The following CRB1 variants were observed in gnomAD, a reference collection of about 807,000 sequenced individuals.
CRB1 encodes the protein protein crumbs homolog 1.
Under a neutral mutation model 120.0 loss-of-function variants are expected in CRB1, and 83 were observed. The ratio of observed to expected loss-of-function variants is 0.69; its 90% CI spans 0.58 to 0.83. The LOEUF (loss-of-function observed/expected upper bound fraction) is 0.83, where lower values mean the gene tolerates loss of function less well. CRB1 is among the 40% of genes least tolerant of loss of function. The pLI is 0.00. For synonymous variants in CRB1, 625 were observed against 612.5 expected (o/e 1.02, Z -0.30); for missense variants, 1,699 against 1,687.6 (o/e 1.01, Z -0.12).
the CRB1 span, among the ~76,000 whole-genome samples, chr1:197,221,709 T>A: frequency 6.6e-6 from 1 of 152,068 alleles, no homozygotes; most frequent in Admixed American, 6.5e-5. Context: ...TAAAAAAAAA[T>A]AATAAAGAGG....
rs1553251336 is a variant in CRB1, at chr1:197,344,493, G to A, written c.848+17G>A. The A allele has an allele frequency of 6.2e-6, 10 of 1,611,062 alleles. No individual in the cohort carries two copies. The African/African-American group carries it at 6.7e-5, about 11-fold the overall frequency. ...AGAAAACAGGTACATTTTCTCTGGCGTTGGGTGATTGGCTTAGAACTCCCT... is the reference window on the plus strand; with the variant it reads ...AGAAAACAGGTACATTTTCTCTGGCATTGGGTGATTGGCTTAGAACTCCCT... On this transcript the variant is annotated intron_variant, in intron 3 of 11. Coordinates refer to ENST00000367400, the MANE Select transcript of CRB1 (RefSeq NM_201253.3).
intron 9 of CRB1, among the ~76,000 whole-genome samples, chr1:197,436,525 AATT>A (rs1213814915): frequency 1.3e-5 from 2 of 152,158 alleles, no homozygotes. Flanking sequence ...AACATGTTTT[AATT>A]ATTCTGTCAT....
chr1:197,301,541 G>A (rs1390614206), intron 1 of CRB1, among the ~76,000 whole-genome samples: 1 of 152,098 alleles, frequency 6.6e-6, no homozygotes, highest in East Asian at 1.9e-4. Flanking sequence ...GCGATTCTGG[G>A]AAAAATCCAT....
At chr1:197,312,492 G>A (rs957484090) in intron 1 of CRB1, among the ~76,000 whole-genome samples, 3 of 152,226 alleles carry the variant, frequency 2.0e-5, no homozygotes, top group African/African-American at 7.2e-5. Flanking sequence ...TGAGGCAGGA[G>A]AACTGCCTGA....
chr1:197,315,400 A>G (rs547238278), intron 1 of CRB1, among the ~76,000 whole-genome samples: 15 of 152,198 alleles, frequency 9.9e-5, no homozygotes, highest in African/African-American at 3.1e-4. Context: ...GGTAAATGCT[A>G]TGTCAACACA....
intron 2 of CRB1, among the ~76,000 whole-genome samples, chr1:197,342,425 T>C (rs1659520570): frequency 1.3e-5 from 2 of 152,218 alleles, no homozygotes; most frequent in African/African-American, 2.4e-5. Context: ...GACCTTCAAC[T>C]TTCCAGTAGT....
intron 5 of CRB1, among the ~76,000 whole-genome samples, chr1:197,413,341 G>A (rs188286521): frequency 6.6e-6 from 1 of 152,236 alleles, no homozygotes; most frequent in Non-Finnish European, 1.5e-5. Flanking sequence ...ATTTCTCTGA[G>A]AGCACCACAC....
chr1:197,319,178 G>T (rs1764623), intron 1 of CRB1, among the ~76,000 whole-genome samples: 99,727 of 144,648 alleles, frequency 0.69, 34,643 homozygotes, highest in East Asian at 0.94. Flanking sequence ...AAAAATAGAA[G>T]TTTGGGGGGC....
chr1:197,269,894 T>TA (rs1571738597), intron 1 of CRB1, among the ~76,000 whole-genome samples: 1 of 152,214 alleles, frequency 6.6e-6, no homozygotes, highest in Non-Finnish European at 1.5e-5. Flanking sequence ...AGATTCTAAA[T>TA]ACTTTGTAAT....
the CRB1 span, among the ~76,000 whole-genome samples, chr1:197,214,354 A>T: frequency 6.6e-6 from 1 of 152,102 alleles, no homozygotes; most frequent in African/African-American, 2.4e-5. Context: ...TGAGTTCAGC[A>T]TCTGAAACCA....
At chr1:197,251,183 A>C in the CRB1 span, among the ~76,000 whole-genome samples, 1 of 152,086 alleles carries the variant, frequency 6.6e-6, no homozygotes, top group Admixed American at 6.6e-5. Context: ...AAAATTGTTC[A>C]ATTTGCTTAA....
At chr1:197,300,162 C>G (rs549357817) in intron 1 of CRB1, among the ~76,000 whole-genome samples, 88 of 151,868 alleles carry the variant, frequency 5.8e-4, no homozygotes, top group Non-Finnish European at 1.1e-3. Flanking sequence ...GAAATTAGGC[C>G]AATTAATAAC....
chr1:197,345,148 C>T (rs893383363), intron 3 of CRB1, among the ~76,000 whole-genome samples: 9 of 152,128 alleles, frequency 5.9e-5, no homozygotes, highest in South Asian at 2.1e-4. Context: ...ATTTAAGCCA[C>T]GACACTGAAG....
intron 9 of CRB1, 22 bp from the exon 10 acceptor site, chr1:197,438,525 G>T (rs947149681): frequency 3.1e-6 from 5 of 1,610,960 alleles, no homozygotes; most frequent in Non-Finnish European, 3.4e-6. Context: ...AACAGCTGTG[G>T]CTCTTGCTTT....
At chr1:197,201,580 A>T in the CRB1 span, among the ~76,000 whole-genome samples, 2 of 152,142 alleles carry the variant, frequency 1.3e-5, no homozygotes, top group African/African-American at 4.8e-5. Flanking sequence ...GCCTACCCCG[A>T]TCGAAACCGT....
intron 10 of CRB1, chr1:197,439,894 G>A (rs1211773954): frequency 6.6e-6 from 1 of 152,084 alleles, no homozygotes; most frequent in Non-Finnish European, 1.5e-5. Context: ...CAAAACAGCG[G>A]GGAGTCTAGG....
intron 1 of CRB1, among the ~76,000 whole-genome samples, chr1:197,321,160 G>A (rs1452699918): frequency 2.0e-5 from 3 of 152,170 alleles, no homozygotes; most frequent in African/African-American, 7.2e-5. Flanking sequence ...CTCCATGTGT[G>A]CCATAGGGCT....
At chr1:197,212,601 G>C in the CRB1 span, among the ~76,000 whole-genome samples, 1 of 152,092 alleles carries the variant, frequency 6.6e-6, no homozygotes, top group African/African-American at 2.4e-5. Context: ...AGACAGCTGG[G>C]GAACAAGGGT....
At chr1:197,294,953 G>A (rs1447002246) in intron 1 of CRB1, among the ~76,000 whole-genome samples, 1 of 152,068 alleles carries the variant, frequency 6.6e-6, no homozygotes, top group Non-Finnish European at 1.5e-5. Flanking sequence ...TATACCTAAT[G>A]TAAATGACGA....
Sources: gnomAD v4.1 joint callset for allele counts (sites outside exome capture counted in the v4.1 genomes callset) on GRCh38, gnomAD v4.1.1 for gene constraint, MANE v1.5 for transcripts, NCBI Gene and HGNC (gene_info 2026-07-23, HGNC 2026-07-21) for gene names.